DPYSL3: variants seen among roughly 807,000 people sequenced by gnomAD.
The protein encoded by DPYSL3 is dihydropyrimidinase-related protein 3.
Under a neutral mutation model 66.1 loss-of-function variants are expected in DPYSL3, and 16 were observed. The observed-to-expected ratio is 0.24, with a 90% confidence interval of 0.16 to 0.37. DPYSL3 has a LOEUF of 0.37. Among genes scored for constraint, DPYSL3 ranks in the 10% least tolerant of loss-of-function variants. The pLI is 1.00. For synonymous variants in DPYSL3, 338 were observed against 345.1 expected, an observed-to-expected ratio of 0.98 and a Z score of 0.23; for missense variants, 738 against 916.2, an observed-to-expected ratio of 0.81 and a Z score of 2.51.
chr5:147,471,556 C>CTGACCCAT (rs780920436), intron 1 of DPYSL3, among the ~76,000 whole-genome samples: 8 of 152,132 alleles, frequency 5.3e-5, no homozygotes, highest in Non-Finnish European at 8.8e-5. Context: ...TCAGTGATTA[C>CTGACCCAT]AATCTAATCA....
chr5:147,421,010 G>A (rs1378382058), intron 2 of DPYSL3, among the ~76,000 whole-genome samples: 1 of 152,166 alleles, frequency 6.6e-6, no homozygotes, highest in Admixed American at 6.5e-5. Flanking sequence ...GGAAGTTCTG[G>A]CCAGGGAAAT....
At position 147,424,976 on chromosome 5, in the gene DPYSL3, G is replaced by A. The variant is rs201820718; in HGVS notation, c.382-13C>T. On this transcript the variant is annotated splice_polypyrimidine_tract_variant and intron_variant, in intron 1 of 13. Transcript: ENST00000343218. ...GGAGACGGTCACTCTAGAAAAGAAG[G>A]AAAACATGAGTTGTTATCACAGGTA... 11 of 1,596,992 alleles carry A rather than the reference G, an allele frequency of 6.9e-6. No homozygotes were observed. The highest frequency in any genetic ancestry group is 9.4e-6 in the Non-Finnish European group (11 of 1,167,848).
At chr5:147,504,735 C>T (rs1043927363) in intron 1 of DPYSL3, among the ~76,000 whole-genome samples, 1 of 152,174 alleles carries the variant, frequency 6.6e-6, no homozygotes, top group Non-Finnish European at 1.5e-5. Flanking sequence ...GAGCCCTTGC[C>T]AACTTCATGA....
At chr5:147,435,113 AAG>A (rs952559105) in intron 1 of DPYSL3, among the ~76,000 whole-genome samples, 23 of 150,082 alleles carry the variant, frequency 1.5e-4, no homozygotes, top group East Asian at 1.9e-4. Context: ...AGGTGGGGGG[AAG>A]AGAGAGAGAG....
intron 1 of DPYSL3, among the ~76,000 whole-genome samples, chr5:147,460,398 A>T (rs1289644046): frequency 1.3e-5 from 2 of 152,218 alleles, no homozygotes; most frequent in African/African-American, 4.8e-5. Flanking sequence ...GGGTTTGGGA[A>T]AAAAGGCAGT....
intron 1 of DPYSL3, among the ~76,000 whole-genome samples, chr5:147,457,781 C>T (rs917219088): frequency 1.3e-5 from 2 of 152,182 alleles, no homozygotes; most frequent in Non-Finnish European, 2.9e-5. Context: ...CCAGAATAGG[C>T]AACTCAGGTG....
chr5:147,460,865 A>C (rs897610247), intron 1 of DPYSL3, among the ~76,000 whole-genome samples: 3 of 152,232 alleles, frequency 2.0e-5, no homozygotes, highest in African/African-American at 7.2e-5. Context: ...GCCATGCCTA[A>C]GGTACAAGGT....
chr5:147,423,979 A>G (rs1050824747), intron 2 of DPYSL3, among the ~76,000 whole-genome samples: 2 of 152,110 alleles, frequency 1.3e-5, no homozygotes, highest in African/African-American at 4.8e-5. Flanking sequence ...CGGCCTCCCA[A>G]AGTGCTGGGA....
intron 1 of DPYSL3, among the ~76,000 whole-genome samples, chr5:147,481,296 A>G (rs1753239621): frequency 6.6e-6 from 1 of 152,218 alleles, no homozygotes; most frequent in Non-Finnish European, 1.5e-5. Flanking sequence ...AATAATTTAA[A>G]ATCATATGAT....
At chr5:147,471,615 G>A (rs1451548601) in intron 1 of DPYSL3, among the ~76,000 whole-genome samples, 2 of 152,072 alleles carry the variant, frequency 1.3e-5, no homozygotes, top group East Asian at 3.9e-4. Flanking sequence ...GTGGTGCAAG[G>A]TATCCACCCA....
intron 2 of DPYSL3, among the ~76,000 whole-genome samples, chr5:147,420,681 G>A (rs1172102980): frequency 1.3e-5 from 2 of 152,198 alleles, no homozygotes; most frequent in Non-Finnish European, 2.9e-5. Context: ...AGTTAAGAAT[G>A]TTGTTGGAGA....
At position 147,507,037 on chromosome 5, in the gene DPYSL3, T is replaced by C. The variant is rs141308905; in HGVS notation, c.381+2441A>G. Among the ~76,000 whole-genome samples, 306 of 152,338 alleles carry C rather than the reference T, an allele frequency of 2.0e-3. 1 individual carries two copies. Among genetic ancestry groups the C allele is most frequent in the African/African-American group, 7.1e-3 (297 of 41,586 alleles). On this transcript the variant is annotated intron_variant, in intron 1 of 13. Coordinates refer to ENST00000343218, the MANE Select transcript of DPYSL3 (RefSeq NM_001197294.2). ...TGTGTATACAATTTGCCACATACTA[T>C]ACACAGATGTGTAGAGATGGAGCCT...
At chr5:147,408,904 G>GAAC in intron 6 of DPYSL3, 108 bp from the exon 7 acceptor site, 3 of 1,069,762 alleles carry the variant, frequency 2.8e-6, no homozygotes, top group Non-Finnish European at 4.2e-6. Flanking sequence ...TGCGTATGTT[G>GAAC]AACAGATGTA....
intron 1 of DPYSL3, among the ~76,000 whole-genome samples, chr5:147,485,791 C>T (rs957338629): frequency 1.3e-5 from 2 of 152,172 alleles, no homozygotes; most frequent in African/African-American, 2.4e-5. Flanking sequence ...TTAACTGTAA[C>T]TTGGGCAAAA....
At chr5:147,442,640 G>GA (rs1280349389) in intron 1 of DPYSL3, among the ~76,000 whole-genome samples, 2 of 151,564 alleles carry the variant, frequency 1.3e-5, no homozygotes, top group Non-Finnish European at 2.9e-5. Flanking sequence ...AAAGATCTCG[G>GA]AAAAAATCAA....
chr5:147,400,644 C>T (rs1201349465), intron 10 of DPYSL3, 48 bp downstream of exon 10: 1 of 1,601,642 alleles, frequency 6.2e-7, no homozygotes, highest in Non-Finnish European at 8.5e-7. Context: ...TGATCTGGCC[C>T]ATGGATGTTT....
At chr5:147,408,619 G>T in intron 7 of DPYSL3, 109 bp downstream of exon 7, 1 of 1,172,940 alleles carries the variant, frequency 8.5e-7, no homozygotes, top group Non-Finnish European at 1.3e-6. Context: ...ATCAGAAGTG[G>T]TCTTTGGAAG....
intron 8 of DPYSL3, among the ~76,000 whole-genome samples, chr5:147,405,340 G>A (rs1417056460): frequency 6.6e-6 from 1 of 152,184 alleles, no homozygotes; most frequent in African/African-American, 2.4e-5. Context: ...AAGATCAAGG[G>A]GAGAAGTAAG....
rs528144944 is a variant in DPYSL3, at chr5:147,459,589, T to C, written c.382-34626A>G. On this transcript the variant is annotated intron_variant, in intron 1 of 13. Coordinates refer to ENST00000343218, the MANE Select transcript of DPYSL3 (RefSeq NM_001197294.2). ...AACTGGTAAACAAACTAACCTCGGA[T>C]ACACATAAACCAAAAAAAAAAAAAT... Among the ~76,000 whole-genome samples the C allele has an allele frequency of 2.6e-5, 4 of 151,394 alleles. No homozygotes were observed. In the East Asian group the frequency reaches 7.8e-4, roughly 29 times the overall value.
Sources: gnomAD v4.1 joint callset for allele counts (sites outside exome capture counted in the v4.1 genomes callset) on GRCh38, gnomAD v4.1.1 for gene constraint, MANE v1.5 for transcripts, NCBI Gene and HGNC (gene_info 2026-07-23, HGNC 2026-07-21) for gene names.